CAST: variants seen among roughly 807,000 people sequenced by gnomAD.
CAST encodes the protein calpastatin, also known as MIR583 host.
A neutral mutation model predicts 119.6 loss-of-function variants in CAST; 76 were observed. The ratio of observed to expected loss-of-function variants is 0.64; its 90% CI spans 0.53 to 0.77. CAST has a LOEUF of 0.77. CAST is among the 30% of genes least tolerant of loss of function. CAST has a pLI of 0.00. For synonymous variants in CAST, 319 were observed against 331.6 expected, an observed-to-expected ratio of 0.96 and a Z score of 0.41; for missense variants, 953 against 946.5, an observed-to-expected ratio of 1.01 and a Z score of -0.09.
At chr5:96,119,119 C>T in the CAST span, among the ~76,000 whole-genome samples, 1 of 151,932 alleles carries the variant, frequency 6.6e-6, no homozygotes, top group Non-Finnish European at 1.5e-5. Context: ...TAATCTGGTT[C>T]CCATGAGGGG....
the CAST span, among the ~76,000 whole-genome samples, chr5:96,028,464 T>C: frequency 1.3e-5 from 2 of 152,028 alleles, no homozygotes; most frequent in Non-Finnish European, 2.9e-5. Context: ...ATGGCATACA[T>C]ACCAGCACAG....
chr5:96,542,436 C>T (rs996182527), intron 1 of CAST, among the ~76,000 whole-genome samples: 3 of 146,078 alleles, frequency 2.1e-5, no homozygotes, highest in Admixed American at 7.0e-5. Context: ...CACATCCTCA[C>T]CAGCATTTGG....
chr5:96,727,163 TGAA>T (rs1759411039), intron 5 of CAST, among the ~76,000 whole-genome samples: 1 of 152,248 alleles, frequency 6.6e-6, no homozygotes, highest in Non-Finnish European at 1.5e-5. Context: ...GGCTTTGTGA[TGAA>T]GGTTTTTATT....
the CAST span, among the ~76,000 whole-genome samples, chr5:96,493,526 T>C: frequency 6.6e-6 from 1 of 152,206 alleles, no homozygotes; most frequent in Non-Finnish European, 1.5e-5. Flanking sequence ...CTCAGTCCCT[T>C]GGAAATTCTA....
chr5:96,074,040 G>A, the CAST span, among the ~76,000 whole-genome samples: 5 of 152,242 alleles, frequency 3.3e-5, no homozygotes, highest in East Asian at 9.7e-4. Flanking sequence ...CACATTCTCT[G>A]TGAGTTGTTT....
chr5:96,502,721 T>C, the CAST span, among the ~76,000 whole-genome samples: 2 of 151,992 alleles, frequency 1.3e-5, no homozygotes, highest in Admixed American at 1.3e-4. Flanking sequence ...TGGGAGTTTA[T>C]GTTTTTTACT....
Position 96,767,419 on chromosome 5 carries a change from A to G in CAST, c.2131-19A>G, listed in dbSNP as rs1441179555. The stretch of plus-strand genomic sequence containing the variant: ...TTACAGATATCTATGCTTAACCAAT[A>G]GTCTGCCTTCTTTTTAAGGACAAAC... On this transcript the variant is annotated intron_variant, in intron 27 of 31. Coordinates refer to ENST00000675179, the MANE Select transcript of CAST (RefSeq NM_001750.7). The G allele has an allele frequency of 6.2e-7, 1 of 1,605,224 alleles. No homozygotes were observed. The highest frequency in any genetic ancestry group is 8.5e-7 in the Non-Finnish European group (1 of 1,172,266).
At chr5:96,534,730 AG>A (rs1745755738) in intron 1 of CAST, among the ~76,000 whole-genome samples, 1 of 10,004 alleles carries the variant, frequency 1.0e-4, no homozygotes, top group Non-Finnish European at 2.5e-4. Context: ...AGAGAGAGAG[AG>A]AGAGAGAGAG....
rs1207971503 is a variant in CAST, at chr5:96,534,739, GAGAAAGAAAGAAAGAAAGAA to G, written c.60+4904_60+4923del. On this transcript the variant is annotated intron_variant, in intron 1 of 11. Coordinates refer to the CAST transcript ENST00000505143. ...GGAGAGAGAGAGAGAGAGAGAGAGA[GAGAAAGAAAGAAAGAAAGAA>G]AGAAAGAAAGAAAGAAAGAAAGAAA... is the stretch of plus-strand genomic sequence containing the variant. Among the ~76,000 whole-genome samples, 13 of 22,716 alleles carry G rather than the reference GAGAAAGAAAGAAAGAAAGAA, an allele frequency of 5.7e-4. 1 individual carries two copies. Among genetic ancestry groups the G allele is most frequent in the African/African-American group, 1.7e-3 (12 of 7,234 alleles). The allele number at this position is 22,716 out of a possible 152,430, so 14.9% of individuals were successfully genotyped here. A position where few individuals can be genotyped will look rare whatever the true frequency, so the allele number is the denominator to read the frequency against.
chr5:96,577,432 A>G (rs1401931869), intron 1 of CAST, among the ~76,000 whole-genome samples: 1 of 151,098 alleles, frequency 6.6e-6, no homozygotes, highest in East Asian at 1.9e-4. Context: ...TCTGGGGCTT[A>G]TTTTTCTCTT....
At chr5:96,535,515 G>A (rs1006195520) in intron 1 of CAST, among the ~76,000 whole-genome samples, 3 of 151,392 alleles carry the variant, frequency 2.0e-5, no homozygotes, top group Non-Finnish European at 4.4e-5. Flanking sequence ...TGAGTTGCCA[G>A]GTAAAATATA....
Position 96,616,729 on chromosome 5 carries a change from GCT to G in CAST, c.61-58795_61-58794del, listed in dbSNP as rs145351553. On this transcript the variant is annotated intron_variant, in intron 1 of 11. Transcript: ENST00000505143. ...CCTCTTAGACACCAAGCGCTCGCTC[GCT>G]CTCTCTCTCTCTCTATATATATACA... is the stretch of plus-strand genomic sequence containing the variant. Among the ~76,000 whole-genome samples the G allele has an allele frequency of 6.8e-3, 937 of 138,424 alleles. 5 individuals are homozygous for G. The highest frequency in any genetic ancestry group is 0.019 in the South Asian group (80 of 4,204). 90.8% of individuals were successfully genotyped at this position (138,424 alleles called of 152,430 possible). A position where few individuals can be genotyped will look rare whatever the true frequency, so the allele number is the denominator to read the frequency against.
chr5:96,432,813 CGCCA>C, the CAST span: 1 of 1,524,946 alleles, frequency 6.6e-7, no homozygotes, highest in Middle Eastern at 2.3e-4. Context: ...GCTCCAGTCC[CGCCA>C]GTCCCCTGGG....
the CAST span, among the ~76,000 whole-genome samples, chr5:96,511,562 C>T: frequency 3.3e-5 from 5 of 152,228 alleles, no homozygotes; most frequent in African/African-American, 9.6e-5. Flanking sequence ...CTCCTAACCC[C>T]TCCTCTCCCA....
At chr5:96,300,910 T>G in the CAST span, among the ~76,000 whole-genome samples, 6 of 150,456 alleles carry the variant, frequency 4.0e-5, no homozygotes, top group Admixed American at 4.0e-4. Flanking sequence ...AAAGTTCACG[T>G]TAATATAGAG....
At chr5:96,567,331 C>T (rs962648274) in intron 1 of CAST, among the ~76,000 whole-genome samples, 1 of 152,138 alleles carries the variant, frequency 6.6e-6, no homozygotes, top group African/African-American at 2.4e-5. Flanking sequence ...ACGCGCCCAA[C>T]AGCTTCGCCT....
At chr5:96,529,697 C>T (rs1011872565), upstream of CAST, 3 of 317,100 alleles carry the variant, frequency 9.5e-6, no homozygotes, top group African/African-American at 4.5e-5. Flanking sequence ...ATAACTGAAT[C>T]GTGGGGGCAG....
At chr5:96,343,061 A>G in the CAST span, among the ~76,000 whole-genome samples, 1 of 152,228 alleles carries the variant, frequency 6.6e-6, no homozygotes, top group African/African-American at 2.4e-5. Flanking sequence ...TCACAATTTC[A>G]TATTTTTAAA....
chr5:96,640,512 A>G (rs1747936775), intron 1 of CAST, among the ~76,000 whole-genome samples: 1 of 152,206 alleles, frequency 6.6e-6, no homozygotes, highest in Non-Finnish European at 1.5e-5. Context: ...GTTCTTCAGC[A>G]TGACAAAATG....
Sources: allele counts gnomAD v4.1 joint callset (sites outside exome capture counted in the v4.1 genomes callset), GRCh38; gene constraint gnomAD v4.1.1; transcripts MANE v1.5; gene names NCBI Gene and HGNC (gene_info 2026-07-23, HGNC 2026-07-21).